Variants in RAPGEF6 observed in about 807,000 individuals in gnomAD.
RAPGEF6 encodes Rap guanine nucleotide exchange factor 6.
Under a neutral mutation model 171.4 loss-of-function variants are expected in RAPGEF6, and 56 were observed. That is an observed-to-expected ratio of 0.33 (90% CI 0.26 to 0.41). The LOEUF (loss-of-function observed/expected upper bound fraction) is 0.41. RAPGEF6 is among the 10% of genes least tolerant of loss of function. The pLI, the probability that RAPGEF6 is intolerant of heterozygous loss-of-function variation, is 1.00. For missense variants in RAPGEF6, 1,674 were observed against 1,921.4 expected (o/e 0.87, Z 2.41); for synonymous variants, 692 against 650.1 (o/e 1.06, Z -0.98).
chr5:131,511,990 G>A (rs957705562), intron 7 of RAPGEF6, among the ~76,000 whole-genome samples: 2 of 152,146 alleles, frequency 1.3e-5, no homozygotes, highest in Non-Finnish European at 2.9e-5. Context: ...GAATATGAGA[G>A]TAGGCAGCCT....
chr5:131,450,128 A>C, intron 21 of RAPGEF6: 1 of 1,359,490 alleles, frequency 7.4e-7, no homozygotes, highest in Non-Finnish European at 1.0e-6. Flanking sequence ...GAGTCAGAGA[A>C]ACTATGCAGA....
At chr5:131,473,307 G>T (rs2149848548) in intron 16 of RAPGEF6, among the ~76,000 whole-genome samples, 1 of 152,220 alleles carries the variant, frequency 6.6e-6, no homozygotes, top group Admixed American at 6.5e-5. Flanking sequence ...AGTCTCTAAA[G>T]TTCATTCTAA....
intron 9 of RAPGEF6, among the ~76,000 whole-genome samples, chr5:131,507,761 C>A (rs1242321038): frequency 6.6e-6 from 1 of 152,072 alleles, no homozygotes; most frequent in Non-Finnish European, 1.5e-5. Flanking sequence ...ATTCAAGAAT[C>A]TTTTAAATCT....
chr5:131,504,736 G>C lies in RAPGEF6; in HGVS notation c.1144C>G (p.His382Asp). ...ACTTTATGGGTATTTTTTTCCACAT[G>C]GTTTAAAATTCTCCAATAATCTTGC... ...AQQDYWRILN[H>D]VEKNTHKVEE... The change falls in exon 11 of 28, where the codon CAT becomes GAT. Residue 382 changes from histidine to aspartate, a missense_variant. Physicochemically the swap from His to Asp is moderately conservative, Grantham distance 81. This residue lies in a region of RAPGEF6 where 1,116 missense variants were observed against 1,321.5 expected (regional missense o/e 0.84). Coordinates refer to ENST00000509018, the MANE Select transcript of RAPGEF6 (RefSeq NM_016340.6). 2.5e-6 allele frequency: 4 copies of C among 1,613,476 alleles called. No homozygotes were observed. Among genetic ancestry groups the C allele is most frequent in the African/African-American group, 1.3e-5 (1 of 74,922 alleles).
chr5:131,439,476 C>A, intron 24 of RAPGEF6, 105 bp downstream of exon 24: 1 of 1,443,468 alleles, frequency 6.9e-7, no homozygotes. Context: ...AGGAGTTATG[C>A]TTTTCTTAAT....
At chr5:131,628,666 GGCTTCAAA>G (rs1766099868) in intron 1 of RAPGEF6, among the ~76,000 whole-genome samples, 1 of 152,118 alleles carries the variant, frequency 6.6e-6, no homozygotes, top group African/African-American at 2.4e-5. Context: ...ATCAATGCCT[GGCTTCAAA>G]GCTTCAAAGG....
chr5:131,547,549 G>A (rs1760632518), intron 6 of RAPGEF6, among the ~76,000 whole-genome samples: 1 of 143,118 alleles, frequency 7.0e-6, no homozygotes, highest in Non-Finnish European at 1.5e-5. Context: ...TGCTCTTGTC[G>A]ACCAGGCTGG....
intron 1 of RAPGEF6, among the ~76,000 whole-genome samples, chr5:131,607,804 C>T (rs1022639787): frequency 3.9e-5 from 6 of 152,178 alleles, no homozygotes; most frequent in African/African-American, 9.6e-5. Flanking sequence ...GTTGGGGGCA[C>T]GTCAGGACAC....
At chr5:131,467,013 T>C (rs1331525936) in intron 17 of RAPGEF6, among the ~76,000 whole-genome samples, 1 of 152,158 alleles carries the variant, frequency 6.6e-6, no homozygotes, top group Non-Finnish European at 1.5e-5. Context: ...TTTTACTAGA[T>C]CTTTGGGGGC....
In RAPGEF6 at chr5:131,427,286, C is replaced by T; in HGVS notation, c.4786G>A (p.Glu1596Lys). Residue 1596 changes from glutamate to lysine, a missense_variant, in exon 28 of 28, where the codon GAA (glutamate) becomes AAA (lysine). Glu to Lys is a moderately conservative substitution (Grantham distance 56). Around this residue, in one of 3 missense-constraint regions of RAPGEF6, gnomAD observed 552 missense variants for 574.2 expected, o/e 0.96. Coordinates refer to ENST00000509018, the MANE Select transcript of RAPGEF6 (RefSeq NM_016340.6). The part of the protein sequence containing the change: ...TDADSEADEN[E>K]QVSAV ...AAAGGCTAGACTGCTGAAACTTGTT[C>T]ATTTTCTGAAAATAAAAAATATATA... is the stretch of plus-strand genomic sequence containing the variant. 1 of 1,606,920 alleles carries T rather than the reference C, an allele frequency of 6.2e-7. No individual in the cohort carries two copies. The highest frequency in any genetic ancestry group is 2.2e-5 in the East Asian group (1 of 44,844).
At chr5:131,458,559 T>C (rs1753684503) in intron 19 of RAPGEF6, among the ~76,000 whole-genome samples, 1 of 152,228 alleles carries the variant, frequency 6.6e-6, no homozygotes, top group Non-Finnish European at 1.5e-5. Context: ...GGAATAAGTG[T>C]TCTTGGATGG....
chr5:131,499,019 G>A (rs1756832743), intron 11 of RAPGEF6, among the ~76,000 whole-genome samples: 1 of 152,092 alleles, frequency 6.6e-6, no homozygotes, highest in South Asian at 2.1e-4. Flanking sequence ...AGAAAGGAAT[G>A]AAAGGGAAGA....
chr5:131,627,664 G>T (rs189740628), intron 1 of RAPGEF6, among the ~76,000 whole-genome samples: 68 of 152,260 alleles, frequency 4.5e-4, no homozygotes, highest in African/African-American at 1.6e-3. Context: ...GCATAATGAC[G>T]CAAAGAAGTA....
intron 3 of RAPGEF6, among the ~76,000 whole-genome samples, chr5:131,594,868 G>A (rs371623454): frequency 1.3e-5 from 2 of 151,852 alleles, no homozygotes; most frequent in Admixed American, 6.6e-5. Context: ...TTTGGAACAG[G>A]AGCATTTACC....
At chr5:131,548,426 A>G (rs1306032681) in intron 5 of RAPGEF6, among the ~76,000 whole-genome samples, 1 of 152,214 alleles carries the variant, frequency 6.6e-6, no homozygotes, top group Non-Finnish European at 1.5e-5. Flanking sequence ...GCACATAAAC[A>G]TACATCCTCT....
intron 6 of RAPGEF6, among the ~76,000 whole-genome samples, chr5:131,524,110 C>T (rs1758698010): frequency 6.6e-6 from 1 of 152,030 alleles, no homozygotes; most frequent in Admixed American, 6.6e-5. Flanking sequence ...GAAATAATTC[C>T]TTAGCAGTCC....
chr5:131,558,710 C>T (rs576684856), intron 5 of RAPGEF6, among the ~76,000 whole-genome samples: 6 of 151,986 alleles, frequency 3.9e-5, no homozygotes, highest in African/African-American at 1.4e-4. Context: ...CTTTGACAAG[C>T]GATTTAGAGC....
intron 5 of RAPGEF6, among the ~76,000 whole-genome samples, chr5:131,553,492 G>A (rs753324292): frequency 1.3e-5 from 2 of 152,180 alleles, no homozygotes; most frequent in Non-Finnish European, 2.9e-5. Flanking sequence ...GGATCCAGAT[G>A]CTGGAACTAC....
At position 131,426,105 on chromosome 5, in the gene RAPGEF6, A is replaced by C. The variant is rs1205534777; in HGVS notation, c.*1161T>G. The C allele has an allele frequency of 3.9e-5, 6 of 152,166 alleles. No homozygotes were observed. Among genetic ancestry groups the C allele is most frequent in the Non-Finnish European group, 8.8e-5 (6 of 67,992 alleles). The allele number at this position is 152,166 out of a possible 1,614,324, so 9.4% of individuals were successfully genotyped here. A position where few individuals can be genotyped will look rare whatever the true frequency, so the allele number is the denominator to read the frequency against. The stretch of plus-strand genomic sequence containing the variant: ...AAAGTATGTCCTCTCAAGGGCTAAA[A>C]ACTGAGAACCAAGAGACAATCATTT... On this transcript the variant is annotated 3_prime_UTR_variant, in exon 28 of 28. Coordinates refer to ENST00000509018, the MANE Select transcript of RAPGEF6 (RefSeq NM_016340.6).
Sources: gnomAD v4.1 joint callset for allele counts (sites outside exome capture counted in the v4.1 genomes callset) on GRCh38, gnomAD v4.1.1 for gene constraint, gnomAD v4.1.1 regional missense constraint, MANE v1.5 for transcripts, NCBI Gene and HGNC (gene_info 2026-07-23, HGNC 2026-07-21) for gene names.